The following SYTL3 variants were observed in gnomAD, a reference collection of about 807,000 sequenced individuals.
SYTL3 encodes synaptotagmin like 3.
In SYTL3, 88 loss-of-function variants were observed where a neutral mutation model predicts 82.1. The ratio of observed to expected loss-of-function variants is 1.07; its 90% CI spans 0.90 to 1.28. The LOEUF is 1.28. SYTL3 is among the 50% of genes most tolerant of loss of function. The pLI, the probability that SYTL3 is intolerant of heterozygous loss-of-function variation, is 0.00. For synonymous variants in SYTL3, 311 were observed against 289.4 expected (o/e 1.07, Z -0.76); for missense variants, 831 against 757.6 (o/e 1.10, Z -1.14).
At chr6:158,729,556 CT>C (rs1377466858) in intron 11 of SYTL3, among the ~76,000 whole-genome samples, 2 of 148,966 alleles carry the variant, frequency 1.3e-5, no homozygotes, top group African/African-American at 5.0e-5. Context: ...CTGTACTTTA[CT>C]TTCTTTTTCT....
Position 158,757,232 on chromosome 6 carries a change from C to G in SYTL3, c.1159C>G (p.Leu387Val). ...TLKYQVAPAQ[L>V]VTRQLQVSVW... is the part of the protein sequence containing the mutation. ...GCAGTATCAGGTGGCCCCTGCCCAGCTGGTGACCCGGCAGCTGCAGGTCTC... is the reference window on the plus strand; with the variant it reads ...GCAGTATCAGGTGGCCCCTGCCCAGGTGGTGACCCGGCAGCTGCAGGTCTC... The change falls in exon 14 of 18, where the codon CTG becomes GTG. Residue 387 changes from leucine (L) to valine (V), a missense_variant. Coordinates refer to ENST00000611299, the MANE Select transcript of SYTL3 (RefSeq NM_001242394.2). 1 of 1,611,028 alleles carries G rather than the reference C, an allele frequency of 6.2e-7. No homozygotes were observed. The highest frequency in any genetic ancestry group is 1.1e-5 in the South Asian group (1 of 91,018).
intron 2 of SYTL3, among the ~76,000 whole-genome samples, chr6:158,658,272 TAATTAA>T (rs1335748901): frequency 2.6e-5 from 4 of 152,240 alleles, no homozygotes; most frequent in Non-Finnish European, 5.9e-5. Context: ...ATTCTGTTGT[TAATTAA>T]AATTTTTTTT....
chr6:158,714,146 A>T (rs1372588200), intron 9 of SYTL3, among the ~76,000 whole-genome samples: 2 of 152,214 alleles, frequency 1.3e-5, no homozygotes, highest in Non-Finnish European at 2.9e-5. Flanking sequence ...TGAGGTCAGG[A>T]GTTCGAGACC....
chr6:158,763,578 A>G, intron 17 of SYTL3, 69 bp downstream of exon 17: 2 of 1,397,562 alleles, frequency 1.4e-6, no homozygotes, highest in Middle Eastern at 1.8e-4. Context: ...GTGCAAAGAA[A>G]ATGCTTCCAC....
At chr6:158,653,648 T>C (rs763966429) in intron 2 of SYTL3, among the ~76,000 whole-genome samples, 3 of 152,224 alleles carry the variant, frequency 2.0e-5, no homozygotes, top group Non-Finnish European at 2.9e-5. Flanking sequence ...GTGAAACTTC[T>C]CAAGGAAATA....
intron 11 of SYTL3, among the ~76,000 whole-genome samples, chr6:158,736,050 T>C (rs1241840495): frequency 2.0e-5 from 3 of 152,206 alleles, no homozygotes; most frequent in Non-Finnish European, 4.4e-5. Flanking sequence ...ATTGTTTTAA[T>C]TTTGAAAAAC....
intron 6 of SYTL3, among the ~76,000 whole-genome samples, chr6:158,690,005 T>C (rs1174105874): frequency 1.3e-5 from 2 of 152,206 alleles, no homozygotes; most frequent in African/African-American, 4.8e-5. Flanking sequence ...CAATCCTTGA[T>C]GTTCCTGGTA....
At chr6:158,674,726 A>G (rs978154873) in intron 5 of SYTL3, among the ~76,000 whole-genome samples, 1 of 152,196 alleles carries the variant, frequency 6.6e-6, no homozygotes, top group Non-Finnish European at 1.5e-5. Context: ...TCCTAATTTC[A>G]TTGACTGGTT....
intron 14 of SYTL3, among the ~76,000 whole-genome samples, chr6:158,759,369 C>T (rs759018388): frequency 3.7e-4 from 52 of 141,198 alleles, no homozygotes; most frequent in Middle Eastern, 3.7e-3. Flanking sequence ...ATTTGGCACC[C>T]GAGGGCCAGG....
chr6:158,761,117 G>T (rs1789857793), intron 15 of SYTL3, among the ~76,000 whole-genome samples: 1 of 152,084 alleles, frequency 6.6e-6, no homozygotes, highest in Admixed American at 6.5e-5. Context: ...GCAGGGCTCA[G>T]ACGAGATAAA....
At position 158,726,525 on chromosome 6, in the gene SYTL3, G is replaced by A. The variant is rs761401210; in HGVS notation, c.855+888G>A. 4 of 192,220 alleles carry A rather than the reference G, an allele frequency of 2.1e-5. No individual in the cohort carries two copies. In the South Asian group the frequency reaches 3.2e-4, roughly 16 times the overall value. The allele number at this position is 192,220 out of a possible 1,614,324, so 11.9% of individuals were successfully genotyped here. ...TTCTGGTGTTTCCTAGAGATCCAGC[G>A]GACTGAATATAAATACTCATTTGTC... On this transcript the variant is annotated intron_variant, in intron 11 of 17. Transcript: ENST00000611299.
At chr6:158,654,632 C>T (rs1357633327) in intron 2 of SYTL3, among the ~76,000 whole-genome samples, 2 of 152,146 alleles carry the variant, frequency 1.3e-5, no homozygotes, top group East Asian at 3.9e-4. Context: ...TAGGGCTGTG[C>T]CTGGATGACT....
At chr6:158,715,437 G>A (rs749895752) in intron 9 of SYTL3, among the ~76,000 whole-genome samples, 15 of 152,062 alleles carry the variant, frequency 9.9e-5, no homozygotes, top group Non-Finnish European at 1.9e-4. Flanking sequence ...CCACCCCAGA[G>A]CCTGGCCTGT....
chr6:158,710,146 C>T (rs1386763826), intron 8 of SYTL3, among the ~76,000 whole-genome samples: 1 of 152,224 alleles, frequency 6.6e-6, no homozygotes, highest in Non-Finnish European at 1.5e-5. Context: ...CTCAGATATA[C>T]TAATGACAGT....
chr6:158,747,170 A>G (rs1787770532), intron 12 of SYTL3, among the ~76,000 whole-genome samples: 1 of 151,650 alleles, frequency 6.6e-6, no homozygotes, highest in African/African-American at 2.4e-5. Flanking sequence ...TATCTTTAGT[A>G]GAGACGGGGT....
intron 10 of SYTL3, among the ~76,000 whole-genome samples, chr6:158,722,767 T>G (rs1365419211): frequency 1.4e-5 from 2 of 138,856 alleles, no homozygotes; most frequent in Non-Finnish European, 1.6e-5. Flanking sequence ...TTTCTGTTTT[T>G]TTTTTTTTTT....
Position 158,707,232 on chromosome 6 carries a change from A to G in SYTL3, c.397A>G (p.Lys133Glu). ...CCCTCTATGGATATCTCTCGCAGGC[A>G]AACATGAGACAGTTGGAGGGCAGCT... ...ERAKKFPTGG[K>E]HETVGGQLLQ... Residue 133 changes from lysine (K) to glutamate (E), a missense_variant and splice_region_variant, in exon 7 of 18, where the codon AAA becomes GAA. Lys to Glu is a moderately conservative substitution (Grantham distance 56). Coordinates refer to ENST00000611299, the MANE Select transcript of SYTL3 (RefSeq NM_001242394.2). 6.2e-7 allele frequency: 1 copy of G among 1,613,948 alleles called. No homozygotes were observed. Among genetic ancestry groups the G allele is most frequent in the Non-Finnish European group, 8.5e-7 (1 of 1,180,030 alleles).
rs1562399380 is a variant in SYTL3, at chr6:158,704,956, ACCCAGGG to A, written c.395-2272_395-2266del. Among the ~76,000 whole-genome samples the A allele has an allele frequency of 8.7e-4, 22 of 25,328 alleles. 1 individual carries two copies. Among genetic ancestry groups the A allele is most frequent in the African/African-American group, 2.3e-3 (4 of 1,726 alleles). 16.6% of individuals were successfully genotyped at this position (25,328 alleles called of 152,430 possible). On this transcript the variant is annotated intron_variant, in intron 6 of 17. Coordinates refer to ENST00000611299, the MANE Select transcript of SYTL3 (RefSeq NM_001242394.2). ...TGTAAGGCCACATAGGGCAGGAGGG[ACCCAGGG>A]CAGGGTGACAGTGAGGGCTGTAAGG...
intron 8 of SYTL3, among the ~76,000 whole-genome samples, chr6:158,711,914 T>C (rs747633507): frequency 5.4e-4 from 82 of 152,198 alleles, no homozygotes; most frequent in Admixed American, 2.2e-3. Context: ...CTGCAACCTG[T>C]TTTATCAGCA....
Sources: gnomAD v4.1 joint callset for allele counts (sites outside exome capture counted in the v4.1 genomes callset) on GRCh38, gnomAD v4.1.1 for gene constraint, MANE v1.5 for transcripts, NCBI Gene and HGNC (gene_info 2026-07-23, HGNC 2026-07-21) for gene names.